Variants in SPATA13 observed in about 807,000 individuals in gnomAD.
SPATA13 encodes the protein spermatogenesis associated 13, also known as spermatogenesis-associated protein 13.
A neutral mutation model predicts 104.0 loss-of-function variants in SPATA13; 50 were observed. That is an observed-to-expected ratio of 0.48 (90% CI 0.38 to 0.61). SPATA13 has a LOEUF of 0.61. Among genes scored for constraint, SPATA13 ranks in the 20% least tolerant of loss-of-function variants. The probability of loss-of-function intolerance (pLI) is 0.00; values close to 1 mark genes in which losing one functional copy is unlikely to be tolerated. For missense variants in SPATA13, 1,524 were observed against 1,690.6 expected (o/e 0.90, Z 1.73); for synonymous variants, 606 against 667.5 (o/e 0.91, Z 1.42).
chr13:24,114,144 T>G (rs1023742892), intron 3 of SPATA13, among the ~76,000 whole-genome samples: 1 of 152,130 alleles, frequency 6.6e-6, no homozygotes, highest in African/African-American at 2.4e-5. Flanking sequence ...GATTGTATAA[T>G]TCAGATGTGC....
chr13:24,089,988 T>C (rs760493590), intron 3 of SPATA13, among the ~76,000 whole-genome samples: 10 of 152,226 alleles, frequency 6.6e-5, no homozygotes, highest in Non-Finnish European at 1.0e-4. Context: ...ATCCTGTTTA[T>C]GAGGGCTCTG....
intron 2 of SPATA13, among the ~76,000 whole-genome samples, chr13:24,235,288 C>G (rs554617703): frequency 3.3e-5 from 5 of 152,178 alleles, no homozygotes; most frequent in African/African-American, 1.2e-4. Context: ...TATCAGCAAT[C>G]AACTCGGGAA....
intron 3 of SPATA13, among the ~76,000 whole-genome samples, chr13:24,018,616 T>C (rs980637998): frequency 1.3e-5 from 2 of 152,232 alleles, no homozygotes; most frequent in Non-Finnish European, 2.9e-5. Context: ...GAGGCACAGC[T>C]AATTGGCGAG....
Position 24,249,690 on chromosome 13 carries a change from C to G in SPATA13, c.1867C>G (p.Gln623Glu). Residue 623 changes from glutamine to glutamate, a missense_variant, in exon 3 of 13, where the codon CAG (glutamine) becomes GAG (glutamate). By Grantham distance (29) the Gln-to-Glu change is conservative. This residue lies in a region of SPATA13 where 1,089 missense variants were observed against 1,135.9 expected (regional missense o/e 0.96). Coordinates refer to ENST00000382108, the MANE Select transcript of SPATA13 (RefSeq NM_001166271.3). ...GGAAGACCGTGTGGACGAGGACCCC[C>G]AGGCAAGCATGACTTCTGCCAGCCC... is the stretch of plus-strand genomic sequence containing the variant. ...QKEDRVDEDP[Q>E]ASMTSASPED... 6.2e-7 allele frequency: 1 copy of G among 1,614,224 alleles called. No individual in the cohort carries two copies. Among genetic ancestry groups the G allele is most frequent in the Non-Finnish European group, 8.5e-7 (1 of 1,180,042 alleles).
At chr13:24,141,634 C>T (rs1369737548) in intron 3 of SPATA13, among the ~76,000 whole-genome samples, 1 of 152,162 alleles carries the variant, frequency 6.6e-6, no homozygotes, top group Non-Finnish European at 1.5e-5. Flanking sequence ...GAGGGAAGGG[C>T]ACGAGTCATG....
At chr13:24,115,381 A>G (rs567157487) in intron 3 of SPATA13, among the ~76,000 whole-genome samples, 3 of 152,376 alleles carry the variant, frequency 2.0e-5, no homozygotes, top group Non-Finnish European at 1.5e-5. Context: ...CTGACTGCGC[A>G]GCAGAAGGTG....
chr13:24,029,056 A>G (rs1877359434), intron 3 of SPATA13, among the ~76,000 whole-genome samples: 1 of 151,950 alleles, frequency 6.6e-6, no homozygotes, highest in African/African-American at 2.4e-5. Context: ...GCTTATATTT[A>G]TTCAAAACCT....
chr13:24,179,588 A>G (rs2146682), intron 1 of SPATA13, among the ~76,000 whole-genome samples: 140,449 of 152,264 alleles, frequency 0.92, 65,827 homozygotes, highest in East Asian at 1. Flanking sequence ...AACTCTGTAC[A>G]GATTAAATGC....
chr13:24,042,641 G>A (rs1877977890), intron 3 of SPATA13, among the ~76,000 whole-genome samples: 1 of 152,244 alleles, frequency 6.6e-6, no homozygotes, highest in African/African-American at 2.4e-5. Flanking sequence ...TTACCAGGGG[G>A]TAAACCTTAC....
intron 4 of SPATA13, chr13:24,253,078 C>T (rs988319030): frequency 3.9e-5 from 6 of 152,282 alleles, no homozygotes; most frequent in African/African-American, 1.4e-4. Flanking sequence ...CTGTCACTCA[C>T]CCAGGGGTTC....
At chr13:24,193,029 T>C (rs1869858496) in intron 1 of SPATA13, among the ~76,000 whole-genome samples, 1 of 152,112 alleles carries the variant, frequency 6.6e-6, no homozygotes, top group African/African-American at 2.4e-5. Flanking sequence ...AGTCAAGGTG[T>C]GTGGGCTGAG....
intron 2 of SPATA13, among the ~76,000 whole-genome samples, chr13:24,226,026 C>T (rs907019850): frequency 2.6e-5 from 4 of 152,188 alleles, no homozygotes; most frequent in Admixed American, 2.0e-4. Context: ...TGTGTTGCTC[C>T]TCTCTGCAGG....
At chr13:24,244,730 G>A (rs1215794965) in intron 2 of SPATA13, among the ~76,000 whole-genome samples, 1 of 152,166 alleles carries the variant, frequency 6.6e-6, no homozygotes, top group Non-Finnish European at 1.5e-5. Flanking sequence ...TGGTGTGGTG[G>A]TATGCACCTG....
At chr13:24,133,950 A>G (rs905775946) in intron 3 of SPATA13, among the ~76,000 whole-genome samples, 3 of 152,312 alleles carry the variant, frequency 2.0e-5, no homozygotes, top group South Asian at 2.1e-4. Flanking sequence ...CGCTTCATGT[A>G]TCCTGTCTGA....
At position 24,249,847 on chromosome 13, in the gene SPATA13, G is replaced by A; in HGVS notation, c.2019+5G>A. ...CTGGACAATCTTCTGACCCAAGTAA[G>A]ATCTGGTGTGCACTTCCCCAAGCCA... On this transcript the variant is annotated splice_donor_5th_base_variant and intron_variant, in intron 3 of 12. Transcript: ENST00000382108. 1.9e-6 allele frequency: 3 copies of A among 1,588,734 alleles called. No individual in the cohort carries two copies. Among genetic ancestry groups the A allele is most frequent in the Non-Finnish European group, 1.7e-6 (2 of 1,166,640 alleles).
chr13:24,238,132 C>CTTTTTTTTTTTTT (rs66810619), intron 2 of SPATA13, among the ~76,000 whole-genome samples: 2 of 77,154 alleles, frequency 2.6e-5, no homozygotes, highest in African/African-American at 5.0e-5. Context: ...TTCTTCTTGA[C>CTTTTTTTTTTTTT]TTTTTTTTTT....
intron 2 of SPATA13, among the ~76,000 whole-genome samples, chr13:23,998,937 T>TG (rs1478612249): frequency 6.6e-6 from 1 of 151,618 alleles, no homozygotes; most frequent in Non-Finnish European, 1.5e-5. Flanking sequence ...GGTTTTTTTT[T>TG]TTTTTTGAGA....
At chr13:23,991,565 G>T (rs936065766) in intron 2 of SPATA13, among the ~76,000 whole-genome samples, 2 of 152,090 alleles carry the variant, frequency 1.3e-5, no homozygotes, top group Admixed American at 1.3e-4. Context: ...GCCCCGGCCC[G>T]CAGTGTCCAG....
At chr13:23,997,045 C>A (rs1291098039) in intron 2 of SPATA13, among the ~76,000 whole-genome samples, 19 of 152,178 alleles carry the variant, frequency 1.2e-4, no homozygotes, top group Admixed American at 1.2e-3. Context: ...AATGGAATAA[C>A]AAGTTTTCAT....
Sources: gnomAD v4.1 joint callset for allele counts (sites outside exome capture counted in the v4.1 genomes callset) on GRCh38, gnomAD v4.1.1 for gene constraint, gnomAD v4.1.1 regional missense constraint, MANE v1.5 for transcripts, NCBI Gene and HGNC (gene_info 2026-07-23, HGNC 2026-07-21) for gene names.